IGF1R: variants seen among roughly 807,000 people sequenced by gnomAD.
IGF1R encodes insulin-like growth factor 1 receptor.
A neutral mutation model predicts 144.6 loss-of-function variants in IGF1R; 44 were observed. The observed-to-expected ratio is 0.30, with a 90% CI of 0.24 to 0.39. The LOEUF (loss-of-function observed/expected upper bound fraction) is 0.39. Ranked by LOEUF, IGF1R falls within the 10% of genes least tolerant of loss-of-function variation. The pLI is 1.00. For missense variants in IGF1R, 1,355 were observed against 1,833.7 expected, an observed-to-expected ratio of 0.74 and a Z score of 4.77; for synonymous variants, 795 against 722.8, an observed-to-expected ratio of 1.10 and a Z score of -1.60.
At chr15:98,697,575 G>C (rs1025350591) in intron 1 of IGF1R, among the ~76,000 whole-genome samples, 1 of 151,802 alleles carries the variant, frequency 6.6e-6, no homozygotes, top group African/African-American at 2.4e-5. Context: ...GCAGAGCTGT[G>C]GCCAAACCTG....
intron 2 of IGF1R, among the ~76,000 whole-genome samples, chr15:98,860,450 A>G (rs1173305486): frequency 6.6e-6 from 1 of 152,236 alleles, no homozygotes; most frequent in Non-Finnish European, 1.5e-5. Context: ...TGACCAGATG[A>G]TGAAATACAT....
At chr15:98,941,824 A>G (rs1051146922) in intron 18 of IGF1R, among the ~76,000 whole-genome samples, 6 of 152,220 alleles carry the variant, frequency 3.9e-5, no homozygotes, top group African/African-American at 1.2e-4. Flanking sequence ...AGAGACATAC[A>G]TGAGCATTTT....
At chr15:98,924,795 G>A (rs2015642518) in intron 13 of IGF1R, 111 bp downstream of exon 13, 1 of 1,019,586 alleles carries the variant, frequency 9.8e-7, no homozygotes. Context: ...AATGGAGTTG[G>A]CCAGCTTCCA....
intron 2 of IGF1R, among the ~76,000 whole-genome samples, chr15:98,827,794 G>T (rs1299795526): frequency 6.6e-6 from 1 of 152,114 alleles, no homozygotes; most frequent in African/African-American, 2.4e-5. Flanking sequence ...TGTTGGTTAG[G>T]CTGGTCTCAA....
Position 98,921,257 on chromosome 15 carries a change from C to T in IGF1R, c.2202-891C>T, listed in dbSNP as rs551731625. On this transcript the variant is annotated intron_variant, in intron 10 of 20. Transcript: ENST00000650285. ...GTTGGTTCCTGTAAACATTAGAATT[C>T]TGTTTTAAGGTTTCTAGGGGGAGCC... 7.9e-5 allele frequency among the ~76,000 whole-genome samples: 12 copies of T among 152,286 alleles called. No individual in the cohort carries two copies. In the East Asian group the frequency reaches 2.1e-3, roughly 27 times the overall value.
At position 98,809,761 on chromosome 15, in the gene IGF1R, G is replaced by T. The variant is rs557478232; in HGVS notation, c.641-81564G>T. 3.9e-5 allele frequency among the ~76,000 whole-genome samples: 6 copies of T among 152,312 alleles called. No homozygotes were observed. In the East Asian group the frequency reaches 7.7e-4, roughly 20 times the overall value. ...TCCAGGAGTGTCTTTTCAGCCCTCAGTGAGTGCCTGCAGGGGACACAGCTG... is the reference window on the plus strand; with the variant it reads ...TCCAGGAGTGTCTTTTCAGCCCTCATTGAGTGCCTGCAGGGGACACAGCTG... On this transcript the variant is annotated intron_variant, in intron 2 of 20. Coordinates refer to ENST00000650285, the MANE Select transcript of IGF1R (RefSeq NM_000875.5).
chr15:98,849,585 C>G (rs539009206), intron 2 of IGF1R, among the ~76,000 whole-genome samples: 1 of 152,250 alleles, frequency 6.6e-6, no homozygotes, highest in South Asian at 2.1e-4. Context: ...TACAAAAAAA[C>G]TTTCTGCATG....
chr15:98,943,535 A>G (rs906638261), intron 19 of IGF1R, among the ~76,000 whole-genome samples: 1 of 152,210 alleles, frequency 6.6e-6, no homozygotes, highest in African/African-American at 2.4e-5. Flanking sequence ...TTCAGTGGGC[A>G]TCCACCGTTG....
chr15:98,844,879 T>C (rs1329319316), intron 2 of IGF1R, among the ~76,000 whole-genome samples: 2 of 152,198 alleles, frequency 1.3e-5, no homozygotes, highest in African/African-American at 2.4e-5. Context: ...TTTCCCTCCT[T>C]CTGTTAAAGA....
intron 2 of IGF1R, among the ~76,000 whole-genome samples, chr15:98,718,040 C>T (rs2054162744): frequency 6.6e-6 from 1 of 152,256 alleles, no homozygotes; most frequent in South Asian, 2.1e-4. Flanking sequence ...TGTTTAGTTT[C>T]ATTTTCCTCC....
In IGF1R at chr15:98,963,737, A is replaced by T. The variant is rs1174017817; in HGVS notation, c.*6295A>T. ...ACTGATTACTGCTTTGTTAGAACACAGAAGAGACCCTATTTTATTTAAGGC... is the reference window on the plus strand; with the variant it reads ...ACTGATTACTGCTTTGTTAGAACACTGAAGAGACCCTATTTTATTTAAGGC... On this transcript the variant is annotated 3_prime_UTR_variant, in exon 21 of 21. Transcript: ENST00000650285. 1 of 233,152 alleles carries T rather than the reference A, an allele frequency of 4.3e-6. No homozygotes were observed. Among genetic ancestry groups the T allele is most frequent in the Non-Finnish European group, 8.5e-6 (1 of 118,012 alleles). 14.4% of individuals were successfully genotyped at this position (233,152 alleles called of 1,614,324 possible). A position where few individuals can be genotyped will look rare whatever the true frequency, so the allele number is the denominator to read the frequency against.
At chr15:98,723,036 A>C (rs1226188879) in intron 2 of IGF1R, among the ~76,000 whole-genome samples, 1 of 151,868 alleles carries the variant, frequency 6.6e-6, no homozygotes, top group Middle Eastern at 3.2e-3. Flanking sequence ...TGGGGTCCCA[A>C]GTCTAGGTTT....
intron 10 of IGF1R, among the ~76,000 whole-genome samples, chr15:98,918,447 T>A (rs917503180): frequency 2.0e-5 from 3 of 152,210 alleles, no homozygotes; most frequent in Admixed American, 2.0e-4. Context: ...GCAAAATGGT[T>A]GAAATAGCTA....
intron 1 of IGF1R, among the ~76,000 whole-genome samples, chr15:98,692,884 G>A (rs1460238301): frequency 6.6e-6 from 1 of 152,154 alleles, no homozygotes. Flanking sequence ...GATAGTAGGG[G>A]CCTCAGGGTG....
intron 3 of IGF1R, among the ~76,000 whole-genome samples, chr15:98,894,290 A>G (rs2014068610): frequency 6.6e-6 from 1 of 152,224 alleles, no homozygotes; most frequent in Admixed American, 6.5e-5. Context: ...ACATACACTT[A>G]TGGTACAACC....
intron 9 of IGF1R, 56 bp downstream of exon 9, chr15:98,916,187 T>C: frequency 1.9e-6 from 3 of 1,551,650 alleles, no homozygotes; most frequent in South Asian, 2.2e-5. Context: ...CCTGTGGTTG[T>C]AATGTGCCTG....
At chr15:98,908,300 C>G (rs1596429492) in intron 5 of IGF1R, among the ~76,000 whole-genome samples, 1 of 152,236 alleles carries the variant, frequency 6.6e-6, no homozygotes, top group Non-Finnish European at 1.5e-5. Flanking sequence ...GTACGCTGTT[C>G]CGATTGGGTA....
chr15:98,830,879 C>G (rs2056990356), intron 2 of IGF1R, among the ~76,000 whole-genome samples: 2 of 152,206 alleles, frequency 1.3e-5, no homozygotes, highest in Non-Finnish European at 1.5e-5. Flanking sequence ...GCTGGGATTA[C>G]AGGTGTGAAC....
intron 2 of IGF1R, among the ~76,000 whole-genome samples, chr15:98,754,502 T>G (rs2055099582): frequency 6.6e-6 from 1 of 152,202 alleles, no homozygotes; most frequent in African/African-American, 2.4e-5. Flanking sequence ...ACATGAAAAC[T>G]GAGGACCACC....
Sources: allele counts gnomAD v4.1 joint callset (sites outside exome capture counted in the v4.1 genomes callset), GRCh38; gene constraint gnomAD v4.1.1; transcripts MANE v1.5; gene names NCBI Gene and HGNC (gene_info 2026-07-23, HGNC 2026-07-21).